The following AKAP12 variants were observed in gnomAD, a reference collection of about 807,000 sequenced individuals.
AKAP12 encodes A-kinase anchoring protein 12.
Under a neutral mutation model 79.9 loss-of-function variants are expected in AKAP12, and 32 were observed. The ratio of observed to expected loss-of-function variants is 0.40; its 90% CI spans 0.30 to 0.54. AKAP12 has a LOEUF of 0.54. AKAP12 is among the 20% of genes least tolerant of loss of function. AKAP12 has a pLI of 0.48. For synonymous variants in AKAP12, 808 were observed against 857.0 expected (o/e 0.94, Z 1.00); for missense variants, 2,074 against 2,177.0 (o/e 0.95, Z 0.94).
chr6:151,259,579 CT>C (rs35514304), intron 2 of AKAP12, among the ~76,000 whole-genome samples: 6,631 of 102,700 alleles, frequency 0.065, 162 homozygotes, highest in East Asian at 0.13. Context: ...CCTTTTTTTC[CT>C]TTTTTTTTTT....
At chr6:151,320,921 T>C (rs1777364201) in intron 3 of AKAP12, among the ~76,000 whole-genome samples, 1 of 152,118 alleles carries the variant, frequency 6.6e-6, no homozygotes, top group African/African-American at 2.4e-5. Context: ...AGTTCAGTGG[T>C]TTTTGCTATA....
At chr6:151,259,470 G>GTGTATA (rs1554319977) in intron 2 of AKAP12, among the ~76,000 whole-genome samples, 34 of 93,278 alleles carry the variant, frequency 3.6e-4, no homozygotes, top group African/African-American at 1.3e-3. Flanking sequence ...ATATATACAT[G>GTGTATA]TATATATATA....
chr6:151,314,542 A>G (rs1355909720), intron 3 of AKAP12, among the ~76,000 whole-genome samples: 1 of 152,138 alleles, frequency 6.6e-6, no homozygotes, highest in East Asian at 1.9e-4. Context: ...GGACTATGTA[A>G]TAGGGATTGG....
At chr6:151,266,226 G>A (rs1776007833) in intron 2 of AKAP12, among the ~76,000 whole-genome samples, 1 of 152,196 alleles carries the variant, frequency 6.6e-6, no homozygotes, top group Non-Finnish European at 1.5e-5. Flanking sequence ...TTAAAAGTTA[G>A]GATAGATAGC....
intron 3 of AKAP12, 107 bp from the exon 4 acceptor site, chr6:151,348,604 C>A: frequency 1.2e-6 from 1 of 812,978 alleles, no homozygotes. Context: ...ACACCACTGC[C>A]CTCCAGCCGG....
At chr6:151,325,134 C>A (rs1562739773) in intron 3 of AKAP12, 34 of 985,300 alleles carry the variant, frequency 3.5e-5, no homozygotes, top group Non-Finnish European at 3.9e-5. Flanking sequence ...AACAGCACTA[C>A]TGAGAGTTGC....
chr6:151,299,025 A>G (rs1699016353), intron 2 of AKAP12: 1 of 152,184 alleles, frequency 6.6e-6, no homozygotes, highest in Non-Finnish European at 1.5e-5. Context: ...TAACTTCCTT[A>G]AGGCGGAAGC....
intron 2 of AKAP12, among the ~76,000 whole-genome samples, chr6:151,281,229 AG>A (rs1172905278): frequency 6.6e-6 from 1 of 152,208 alleles, no homozygotes; most frequent in African/African-American, 2.4e-5. Flanking sequence ...AACTGGATGA[AG>A]GTTGCTAAAG....
chr6:151,320,257 G>A (rs898181839), intron 3 of AKAP12, among the ~76,000 whole-genome samples: 1 of 151,742 alleles, frequency 6.6e-6, no homozygotes, highest in African/African-American at 2.4e-5. Context: ...GGCCTCTCCC[G>A]TTCTCTTCCT....
At chr6:151,297,590 A>G (rs903627929) in intron 2 of AKAP12, among the ~76,000 whole-genome samples, 3 of 138,452 alleles carry the variant, frequency 2.2e-5, no homozygotes, top group African/African-American at 8.1e-5. Context: ...AAAAAAAAAA[A>G]GGCTACTGTG....
intron 2 of AKAP12, among the ~76,000 whole-genome samples, chr6:151,298,497 T>C (rs949173510): frequency 4.6e-5 from 7 of 152,166 alleles, no homozygotes; most frequent in Admixed American, 2.0e-4. Flanking sequence ...TTGAGGTATA[T>C]AAAAATGAAT....
intron 2 of AKAP12, among the ~76,000 whole-genome samples, chr6:151,276,470 G>T (rs1776293225): frequency 6.6e-6 from 1 of 152,212 alleles, no homozygotes; most frequent in Non-Finnish European, 1.5e-5. Flanking sequence ...AAACATGTCT[G>T]TAGTTTTTGC....
intron 3 of AKAP12, among the ~76,000 whole-genome samples, chr6:151,328,131 T>G (rs1469476074): frequency 8.0e-5 from 11 of 137,688 alleles, no homozygotes; most frequent in Middle Eastern, 0.011. Flanking sequence ...ATCGAGACCA[T>G]CCTGGCTAAC....
chr6:151,278,672 AGT>A (rs1491420268), intron 2 of AKAP12, among the ~76,000 whole-genome samples: 1 of 148,946 alleles, frequency 6.7e-6, no homozygotes, highest in Admixed American at 6.8e-5. Flanking sequence ...GGTAGTGTCT[AGT>A]TTTTTTTTTT....
At chr6:151,317,937 C>CAA (rs758308042) in intron 3 of AKAP12, among the ~76,000 whole-genome samples, 2 of 152,160 alleles carry the variant, frequency 1.3e-5, no homozygotes, top group Non-Finnish European at 2.9e-5. Flanking sequence ...AGTGTCCAAC[C>CAA]AAATAGTCAG....
intron 2 of AKAP12, among the ~76,000 whole-genome samples, chr6:151,277,120 T>C (rs553867937): frequency 6.6e-6 from 1 of 152,330 alleles, no homozygotes; most frequent in East Asian, 1.9e-4. Context: ...TAGGTGTCAT[T>C]ACTTCTGCAG....
chr6:151,274,472 A>C (rs1319347025), intron 2 of AKAP12, among the ~76,000 whole-genome samples: 2 of 152,160 alleles, frequency 1.3e-5, no homozygotes, highest in Admixed American at 1.3e-4. Flanking sequence ...ATTATAGATC[A>C]TGATTTCGTT....
At chr6:151,254,991 T>C (rs773805009) in intron 2 of AKAP12, among the ~76,000 whole-genome samples, 1 of 152,180 alleles carries the variant, frequency 6.6e-6, no homozygotes, top group Non-Finnish European at 1.5e-5. Context: ...AGCTTGTTCT[T>C]CGCCCAGAAT....
At chr6:151,342,050 C>CG (rs1777966136) in intron 3 of AKAP12, among the ~76,000 whole-genome samples, 1 of 152,180 alleles carries the variant, frequency 6.6e-6, no homozygotes, top group African/African-American at 2.4e-5. Flanking sequence ...AAAGGGGAGT[C>CG]GGGGGGTTGG....
Sources: allele counts gnomAD v4.1 joint callset (sites outside exome capture counted in the v4.1 genomes callset), GRCh38; gene constraint gnomAD v4.1.1; transcripts MANE v1.5; gene names NCBI Gene and HGNC (gene_info 2026-07-23, HGNC 2026-07-21).